SMG6: variants seen among roughly 807,000 people sequenced by gnomAD.
SMG6 encodes telomerase-binding protein EST1A.
In SMG6, 66 loss-of-function variants were observed where a neutral mutation model predicts 142.2. The observed-to-expected ratio is 0.46, with a 90% CI of 0.38 to 0.57. The LOEUF is 0.57. SMG6 is among the 20% of genes least tolerant of loss of function. SMG6 has a pLI of 0.00. For missense variants in SMG6, 1,793 were observed against 1,832.0 expected, an observed-to-expected ratio of 0.98 and a Z score of 0.39; for synonymous variants, 779 against 702.4, an observed-to-expected ratio of 1.11 and a Z score of -1.72.
At chr17:2,235,890 T>C (rs1330440798) in intron 10 of SMG6, 1 of 152,080 alleles carries the variant, frequency 6.6e-6, no homozygotes, top group African/African-American at 2.4e-5. Context: ...CGACCCCCTA[T>C]GAAAAAACCC....
chr17:2,065,417 C>G (rs764001580), intron 17 of SMG6, 51 bp downstream of exon 17: 2 of 1,564,478 alleles, frequency 1.3e-6, no homozygotes, highest in Non-Finnish European at 1.7e-6. Flanking sequence ...TCCTGGAGAC[C>G]TTGTTCTGGA....
At position 2,156,112 on chromosome 17, in the gene SMG6, G is replaced by A. The variant is rs1361316561; in HGVS notation, c.3357+16546C>T. Among the ~76,000 whole-genome samples, 14 of 150,036 alleles carry A rather than the reference G, an allele frequency of 9.3e-5. 1 individual carries two copies. The highest frequency in any genetic ancestry group is 8.4e-4 in the South Asian group (4 of 4,746). ...ACTCAGATTAGATAGAGCTCAGGCC[G>A]GGTGCCGTGGTTCACGCCTGTAATC... On this transcript the variant is annotated intron_variant, in intron 13 of 18. Coordinates refer to ENST00000263073, the MANE Select transcript of SMG6 (RefSeq NM_017575.5).
intron 8 of SMG6, among the ~76,000 whole-genome samples, chr17:2,251,004 A>G (rs1424377512): frequency 6.6e-6 from 1 of 152,122 alleles, no homozygotes; most frequent in Non-Finnish European, 1.5e-5. Flanking sequence ...ACAAAGATAA[A>G]TAACATACCA....
chr17:2,065,625 C>T lies in SMG6; in HGVS notation c.3890G>A (p.Gly1297Glu). Residue 1297 changes from glycine to glutamate, a missense_variant, in exon 17 of 19, where the codon GGG becomes GAG. By Grantham distance (98) the Gly-to-Glu change is moderately conservative (BLOSUM62 -2). Around this residue, in one of 3 missense-constraint regions of SMG6, gnomAD observed 179 missense variants for 212.6 expected, o/e 0.84. Coordinates refer to ENST00000263073, the MANE Select transcript of SMG6 (RefSeq NM_017575.5). Reference sequence around the variant, plus strand: ...CTCTTGTACCACACGGGCGTAGCCCCCAGCCCGGTGGTCTGTCTCCTGCCC... The same window carrying T: ...CTCTTGTACCACACGGGCGTAGCCCTCAGCCCGGTGGTCTGTCTCCTGCCC... ...AKGQETDHRAGGYARVVQEKA... is the reference protein window; with the variant it reads ...AKGQETDHRAEGYARVVQEKA... 6.2e-7 allele frequency: 1 copy of T among 1,614,016 alleles called. No individual in the cohort carries two copies. The highest frequency in any genetic ancestry group is 1.1e-5 in the South Asian group (1 of 91,086).
chr17:2,273,526 G>A (rs1190892466), intron 8 of SMG6, among the ~76,000 whole-genome samples: 1 of 152,210 alleles, frequency 6.6e-6, no homozygotes, highest in Admixed American at 6.5e-5. Context: ...CCAGCTACAC[G>A]GGAGGCTGAG....
intron 13 of SMG6, among the ~76,000 whole-genome samples, chr17:2,116,530 G>T (rs565460189): frequency 6.6e-6 from 1 of 152,242 alleles, no homozygotes; most frequent in East Asian, 1.9e-4. Flanking sequence ...GGAGTTCCTT[G>T]AGGTCAGGAG....
intron 13 of SMG6, among the ~76,000 whole-genome samples, chr17:2,150,346 G>A (rs2070788845): frequency 1.3e-5 from 2 of 152,192 alleles, no homozygotes; most frequent in South Asian, 4.1e-4. Context: ...CCAGTTCCTG[G>A]TGCCAAAAAG....
chr17:2,105,173 C>T (rs964686024), intron 13 of SMG6, among the ~76,000 whole-genome samples: 16 of 150,522 alleles, frequency 1.1e-4, no homozygotes, highest in Admixed American at 4.6e-4. Flanking sequence ...GCAATCCTCC[C>T]GCCTCGACCT....
At chr17:2,063,063 T>C (rs975985838) in intron 18 of SMG6, 6 of 152,284 alleles carry the variant, frequency 3.9e-5, no homozygotes, top group African/African-American at 1.4e-4. Context: ...CAGGGCTGTG[T>C]GGGGCTCCCA....
intron 12 of SMG6, among the ~76,000 whole-genome samples, chr17:2,175,411 A>T (rs1395572322): frequency 6.6e-6 from 1 of 151,724 alleles, no homozygotes; most frequent in Non-Finnish European, 1.5e-5. Flanking sequence ...CCACAGTGGG[A>T]GGCCCCACAT....
chr17:2,172,875 T>C lies in SMG6; in HGVS notation c.3156-16A>G. On this transcript the variant is annotated splice_polypyrimidine_tract_variant and intron_variant, in intron 12 of 18. Transcript: ENST00000263073. Reference sequence around the variant, plus strand: ...CACAGCAACACTGTGAGAAATAAGGTAAGAAAAGAGCAGCTCTAAAGAGGG... The same window carrying C: ...CACAGCAACACTGTGAGAAATAAGGCAAGAAAAGAGCAGCTCTAAAGAGGG... 3.1e-6 allele frequency: 5 copies of C among 1,612,736 alleles called. No homozygotes were observed. Among genetic ancestry groups the C allele is most frequent in the Non-Finnish European group, 4.2e-6 (5 of 1,178,950 alleles).
intron 13 of SMG6, among the ~76,000 whole-genome samples, chr17:2,128,418 C>T (rs1039133119): frequency 6.6e-6 from 1 of 152,190 alleles, no homozygotes; most frequent in African/African-American, 2.4e-5. Context: ...AGAACACTTT[C>T]CCCACTGCAG....
At chr17:2,264,413 G>A (rs2074379037) in intron 8 of SMG6, among the ~76,000 whole-genome samples, 1 of 152,160 alleles carries the variant, frequency 6.6e-6, no homozygotes, top group Non-Finnish European at 1.5e-5. Flanking sequence ...CTTTGAACAA[G>A]TCCCTCAAGT....
Position 2,283,728 on chromosome 17 carries a change from TTCC to T in SMG6, c.2342_2344del (p.Arg781del), listed in dbSNP as rs894746101. On this transcript the variant is annotated inframe_deletion, in exon 7 of 19. Coordinates refer to ENST00000263073, the MANE Select transcript of SMG6 (RefSeq NM_017575.5). ...CATATAGTAATAGACAGCGTCAAGC[TTCC>T]TCCTCTGTGGAAAGAGGCCAGAGAC... 1 of 1,613,560 alleles carries T rather than the reference TTCC, an allele frequency of 6.2e-7. No individual in the cohort carries two copies. The highest frequency in any genetic ancestry group is 1.3e-5 in the African/African-American group (1 of 74,906).
Position 2,300,557 on chromosome 17 carries a change from T to C in SMG6, c.196A>G (p.Lys66Glu), listed in dbSNP as rs2075258261. Residue 66 changes from lysine (K) to glutamate (E), a missense_variant, in exon 2 of 19, where the codon AAG becomes GAG. Lys to Glu is a moderately conservative substitution (Grantham distance 56). Coordinates refer to ENST00000263073, the MANE Select transcript of SMG6 (RefSeq NM_017575.5). ...AATTCCTCACTCCCAGGGGGTTCCT[T>C]GATTTTGGGCTTGTTCCTTAGCCGA... Reference protein sequence around the residue: ...LSRLRNKPKIKEPPGSEEFKD... With the variant: ...LSRLRNKPKIEEPPGSEEFKD... 2 of 1,613,964 alleles carry C rather than the reference T, an allele frequency of 1.2e-6. No individual in the cohort carries two copies. The highest frequency in any genetic ancestry group is 2.2e-5 in the East Asian group (1 of 44,898).
intron 13 of SMG6, among the ~76,000 whole-genome samples, chr17:2,130,859 C>T (rs893429613): frequency 3.9e-5 from 6 of 151,988 alleles, no homozygotes; most frequent in African/African-American, 9.7e-5. Flanking sequence ...CAAAAATTAG[C>T]TGGGCGTGGT....
intron 13 of SMG6, among the ~76,000 whole-genome samples, chr17:2,121,524 T>A (rs983813305): frequency 6.8e-6 from 1 of 147,318 alleles, no homozygotes; most frequent in Non-Finnish European, 1.5e-5. Flanking sequence ...GGGATTATAA[T>A]ATAATTATAT....
intron 13 of SMG6, among the ~76,000 whole-genome samples, chr17:2,102,066 C>T (rs1397513241): frequency 6.6e-6 from 1 of 152,184 alleles, no homozygotes; most frequent in African/African-American, 2.4e-5. Flanking sequence ...CAGTCTAGGA[C>T]AAGCAGGGCC....
chr17:2,093,210 A>G (rs147073825), intron 13 of SMG6, among the ~76,000 whole-genome samples: 3,374 of 151,172 alleles, frequency 0.022, 63 homozygotes, highest in South Asian at 0.067. Context: ...AAAAAAAAAG[A>G]TAAGACAAGC....
Sources: gnomAD v4.1 joint callset for allele counts (sites outside exome capture counted in the v4.1 genomes callset) on GRCh38, gnomAD v4.1.1 for gene constraint, gnomAD v4.1.1 regional missense constraint, MANE v1.5 for transcripts, NCBI Gene and HGNC (gene_info 2026-07-23, HGNC 2026-07-21) for gene names.